The following EP300 variants were observed in gnomAD, a reference collection of about 807,000 sequenced individuals.
EP300 encodes the protein histone acetyltransferase p300.
A neutral mutation model predicts 264.0 loss-of-function variants in EP300; 31 were observed. The ratio of observed to expected loss-of-function variants is 0.12; its 90% CI spans 0.09 to 0.16. The LOEUF is 0.16. Among genes scored for constraint, EP300 ranks in the 10% least tolerant of loss-of-function variants. The pLI, the probability that EP300 is intolerant of heterozygous loss-of-function variation, is 1.00. For synonymous variants in EP300, 1,340 were observed against 1,045.4 expected, an observed-to-expected ratio of 1.28 and a Z score of -5.44; for missense variants, 2,766 against 3,052.9, an observed-to-expected ratio of 0.91 and a Z score of 2.21.
chr22:41,104,438 C>T lies in EP300; in HGVS notation c.94+11340C>T, dbSNP rs1424402162. Among the ~76,000 whole-genome samples, 8 of 151,906 alleles carry T rather than the reference C, an allele frequency of 5.3e-5. No homozygotes were observed. The South Asian group carries it at 8.3e-4, about 16-fold the overall frequency. ...CCAAGTAGCTGGGATTACAGGCGCCCGCCACCACACCCAGCTAATTTTTGT... is the reference window on the plus strand; with the variant it reads ...CCAAGTAGCTGGGATTACAGGCGCCTGCCACCACACCCAGCTAATTTTTGT... On this transcript the variant is annotated intron_variant, in intron 1 of 30. Transcript: ENST00000263253.
chr22:41,092,890 G>A lies in EP300; in HGVS notation c.-115G>A. 9.0e-7 allele frequency: 1 copy of A among 1,109,302 alleles called. No homozygotes were observed. Among genetic ancestry groups the A allele is most frequent in the South Asian group, 1.2e-5 (1 of 80,716 alleles). The allele number at this position is 1,109,302 out of a possible 1,614,324, so 68.7% of individuals were successfully genotyped here. On this transcript the variant is annotated 5_prime_UTR_variant, in exon 1 of 31. Transcript: ENST00000263253. ...AAAAGGAACTTCCCCCACCCCCTCGGGTGCCGTCGGAGCCCCCCAGCCCAC... is the reference window on the plus strand; with the variant it reads ...AAAAGGAACTTCCCCCACCCCCTCGAGTGCCGTCGGAGCCCCCCAGCCCAC...
Position 41,154,137 on chromosome 22 carries a change from C to G in EP300, c.3143-858C>G, listed in dbSNP as rs17002318. The stretch of plus-strand genomic sequence containing the variant: ...AGCAATACCATTTTTGTTCTCTCTT[C>G]TTTTAAACTTAAACCTAACATTTGT... On this transcript the variant is annotated intron_variant, in intron 16 of 30. Coordinates refer to ENST00000263253, the MANE Select transcript of EP300 (RefSeq NM_001429.4). Among the ~76,000 whole-genome samples, 1,188 of 152,260 alleles carry G rather than the reference C, an allele frequency of 7.8e-3. 123 individuals are homozygous for G. In the East Asian group the frequency reaches 0.21, roughly 27 times the overall value.
At position 41,157,375 on chromosome 22, in the gene EP300, G is replaced by T. The variant is rs1039714380; in HGVS notation, c.3468G>T (p.Val1156=). 1.7e-5 allele frequency: 27 copies of T among 1,614,018 alleles called. No individual in the cohort carries two copies. Among genetic ancestry groups the T allele is most frequent in the Non-Finnish European group, 1.6e-5 (19 of 1,180,044 alleles). The change falls in exon 18 of 31, where the codon GTG becomes GTT. Residue 1156 remains valine (V), a synonymous_variant. Transcript: ENST00000263253. ...TCTTTGAACAAGAAATTGACCCAGT[G>T]ATGCAAAGCCTTGGATACTGTTGTG... ...SEVFEQEIDP[V]MQSLGYCCGR... is the part of the protein sequence containing the mutation.
intron 1 of EP300, among the ~76,000 whole-genome samples, chr22:41,106,361 C>G (rs1005971150): frequency 4.6e-5 from 7 of 152,108 alleles, no homozygotes; most frequent in African/African-American, 1.7e-4. Flanking sequence ...GTTTTCAACT[C>G]CATTCTTTTT....
chr22:41,116,313 C>A (rs2058821214), intron 1 of EP300, among the ~76,000 whole-genome samples: 1 of 152,032 alleles, frequency 6.6e-6, no homozygotes, highest in African/African-American at 2.4e-5. Context: ...GTTTGCCGCA[C>A]CCATCAATCC....
chr22:41,146,810 C>A lies in EP300; in HGVS notation c.2125C>A (p.Gln709Lys). 1 of 1,613,984 alleles carries A rather than the reference C, an allele frequency of 6.2e-7. No homozygotes were observed. The highest frequency in any genetic ancestry group is 8.5e-7 in the Non-Finnish European group (1 of 1,179,928). ...PNQMMPRITP[Q>K]SGLNQFGQMS... ...CCAGATGATGCCTCGAATAACTCCA[C>A]AATCTGGTAAATAGTGAAAAAAATT... The change falls in exon 11 of 31, where the codon CAA becomes AAA. Residue 709 changes from glutamine to lysine, a missense_variant. Transcript: ENST00000263253.
chr22:41,179,880 T>TCACA lies in EP300; in HGVS notation c.*964_*967dup, dbSNP rs59721178. On this transcript the variant is annotated 3_prime_UTR_variant, in exon 31 of 31. Transcript: ENST00000263253. ...TCTTCCTCCTTACCCTACCCCCCAC[T>TCACA]CACACACACACACACACACACACAC... 2,093 of 166,872 alleles carry TCACA rather than the reference T, an allele frequency of 0.013. 88 individuals carry two copies. The highest frequency in any genetic ancestry group is 0.024 in the African/African-American group (954 of 39,832). 10.3% of individuals were successfully genotyped at this position (166,872 alleles called of 1,614,324 possible).
rs776672056 is a variant in EP300, at chr22:41,155,062, A to G, written c.3210A>G (p.Pro1070=). 9.3e-6 allele frequency: 15 copies of G among 1,614,122 alleles called. No homozygotes were observed. Among genetic ancestry groups the G allele is most frequent in the Non-Finnish European group, 1.3e-5 (15 of 1,179,988 alleles). The stretch of plus-strand genomic sequence containing the variant: ...TGGAGGCACTTTACCGTCAGGATCC[A>G]GAATCCCTTCCCTTTCGTCAACCTG... The part of the protein sequence containing the change: ...PTLEALYRQD[P]ESLPFRQPVD... Residue 1070 remains proline (P), a synonymous_variant, in exon 17 of 31, where the codon CCA becomes CCG. Coordinates refer to ENST00000263253, the MANE Select transcript of EP300 (RefSeq NM_001429.4).
At position 41,179,150 on chromosome 22, in the gene EP300, A is replaced by G. The variant is rs145182984; in HGVS notation, c.*194A>G. 9.3e-4 allele frequency: 602 copies of G among 650,106 alleles called. No homozygotes were observed. The highest frequency in any genetic ancestry group is 3.5e-3 in the East Asian group (127 of 36,152). The allele number at this position is 650,106 out of a possible 1,614,324, so 40.3% of individuals were successfully genotyped here. Reference sequence around the variant, plus strand: ...ACCTGAGGGATGATAGAATACAAAGAATATATTTTTGTTATGGCTGGTTAC... The same window carrying G: ...ACCTGAGGGATGATAGAATACAAAGGATATATTTTTGTTATGGCTGGTTAC... On this transcript the variant is annotated 3_prime_UTR_variant, in exon 31 of 31. Coordinates refer to ENST00000263253, the MANE Select transcript of EP300 (RefSeq NM_001429.4).
chr22:41,122,338 G>C (rs2058857567), intron 2 of EP300, among the ~76,000 whole-genome samples: 1 of 151,714 alleles, frequency 6.6e-6, no homozygotes, highest in East Asian at 1.9e-4. Flanking sequence ...GATAATTTTT[G>C]TATTATTAGT....
In EP300 at chr22:41,149,135, T is replaced by G. The variant is rs145863376; in HGVS notation, c.2339T>G (p.Ile780Ser). The change falls in exon 13 of 31, where the codon ATC becomes AGC. Residue 780 changes from isoleucine to serine, a missense_variant. Transcript: ENST00000263253. ...TCACAGGGAATGAATGTAACAAATA[T>G]CCCTTTGGCTCCGTCCAGCGGTCAA... ...FPSQGMNVTN[I>S]PLAPSSGQAP... 6.2e-7 allele frequency: 1 copy of G among 1,613,828 alleles called. No homozygotes were observed. The highest frequency in any genetic ancestry group is 1.3e-5 in the African/African-American group (1 of 74,852).
chr22:41,094,106 A>G (rs887764058), intron 1 of EP300, among the ~76,000 whole-genome samples: 1 of 152,166 alleles, frequency 6.6e-6, no homozygotes, highest in African/African-American at 2.4e-5. Flanking sequence ...TCATCCCTTC[A>G]TTCTTTTCTT....
chr22:41,134,794 T>C (rs2058940608), intron 6 of EP300, among the ~76,000 whole-genome samples: 1 of 152,238 alleles, frequency 6.6e-6, no homozygotes, highest in Non-Finnish European at 1.5e-5. Context: ...TTACCTCTTC[T>C]GTATTGAAAA....
rs762400446 is a variant in EP300 at position 41,131,525 on chromosome 22, C to A, written c.1420C>A (p.Pro474Thr). ...AAGAGCCTATGCAGCTCTTGGACTACCCTATCAAGTAAATCAGATGCCGAC... is the reference window on the plus strand; with the variant it reads ...AAGAGCCTATGCAGCTCTTGGACTAACCTATCAAGTAAATCAGATGCCGAC... The part of the protein sequence containing the change: ...IERAYAALGL[P>T]YQVNQMPTQP... Residue 474 changes from proline to threonine, a missense_variant, in exon 6 of 31, where the codon CCC (proline) becomes ACC (threonine). Coordinates refer to ENST00000263253, the MANE Select transcript of EP300 (RefSeq NM_001429.4). 1.2e-6 allele frequency: 2 copies of A among 1,614,062 alleles called. No homozygotes were observed. Among genetic ancestry groups the A allele is most frequent in the South Asian group, 1.1e-5 (1 of 91,080 alleles).
Position 41,177,882 on chromosome 22 carries a change from T to A in EP300, c.6171T>A (p.Thr2057=), listed in dbSNP as rs2059211774. 9 of 1,614,186 alleles carry A rather than the reference T, an allele frequency of 5.6e-6. No individual in the cohort carries two copies. The highest frequency in any genetic ancestry group is 1.1e-5 in the South Asian group (1 of 91,084). Residue 2057 remains threonine, a synonymous_variant, in exon 31 of 31, where the codon ACT becomes ACA. Transcript: ENST00000263253. ...SQQALQNLLR[T]LRSPSSPLQQ... is the part of the protein sequence containing the mutation. ...AAGCCTTACAAAACCTTTTGCGGACTCTCAGGTCTCCCAGCTCTCCCCTGC... is the reference window on the plus strand; with the variant it reads ...AAGCCTTACAAAACCTTTTGCGGACACTCAGGTCTCCCAGCTCTCCCCTGC...
rs539638816 is a variant in EP300, at chr22:41,150,324, TATTTTTC to T, written c.2817+130_2817+136del. 769 of 1,180,996 alleles carry T rather than the reference TATTTTTC, an allele frequency of 6.5e-4. 2 individuals are homozygous for T. The highest frequency in any genetic ancestry group is 5.9e-4 in the Non-Finnish European group (490 of 827,538). 73.2% of individuals were successfully genotyped at this position (1,180,996 alleles called of 1,614,324 possible). A position where few individuals can be genotyped will look rare whatever the true frequency, so the allele number is the denominator to read the frequency against. On this transcript the variant is annotated intron_variant, in intron 14 of 30. Coordinates refer to ENST00000263253, the MANE Select transcript of EP300 (RefSeq NM_001429.4). ...TTTTCTCCACAAGTAGAATGTAATC[TATTTTTC>T]ATTAGGGACTTTTGTATCCTGTTTT... is the stretch of plus-strand genomic sequence containing the variant.
chr22:41,099,654 C>G (rs948380710), intron 1 of EP300, among the ~76,000 whole-genome samples: 3 of 152,080 alleles, frequency 2.0e-5, no homozygotes, highest in East Asian at 3.8e-4. Context: ...CTTATTAAGT[C>G]AAGAACTTTC....
intron 2 of EP300, among the ~76,000 whole-genome samples, chr22:41,119,420 C>G (rs2058840184): frequency 2.6e-5 from 4 of 151,900 alleles, no homozygotes. Flanking sequence ...CTTCTAGGAT[C>G]TAGGAACATA....
intron 16 of EP300, among the ~76,000 whole-genome samples, chr22:41,152,919 G>T (rs931287613): frequency 6.6e-6 from 1 of 151,980 alleles, no homozygotes; most frequent in Non-Finnish European, 1.5e-5. Context: ...CACCATGCCC[G>T]TCTAATTTTT....
Sources: gnomAD v4.1 joint callset for allele counts (sites outside exome capture counted in the v4.1 genomes callset) on GRCh38, gnomAD v4.1.1 for gene constraint, MANE v1.5 for transcripts, NCBI Gene and HGNC (gene_info 2026-07-23, HGNC 2026-07-21) for gene names.